JADE1: variants seen among roughly 807,000 people sequenced by gnomAD.
JADE1 encodes the protein protein Jade-1.
JADE1 carries 14 observed loss-of-function variants against 81.8 expected under a neutral mutation model. The ratio of observed to expected loss-of-function variants is 0.17; its 90% CI spans 0.11 to 0.27. JADE1 has a LOEUF of 0.27. Ranked by LOEUF, JADE1 falls within the 10% of genes least tolerant of loss-of-function variation. JADE1 has a pLI of 1.00. For missense variants in JADE1, 690 were observed against 1,047.9 expected, an observed-to-expected ratio of 0.66 and a Z score of 4.71; for synonymous variants, 353 against 391.9, an observed-to-expected ratio of 0.90 and a Z score of 1.17.
At chr4:128,847,653 G>T (rs1729981328) in intron 4 of JADE1, among the ~76,000 whole-genome samples, 1 of 152,198 alleles carries the variant, frequency 6.6e-6, no homozygotes, top group South Asian at 2.1e-4. Flanking sequence ...CTTTCAGTGG[G>T]GAGCCAGGAC....
chr4:128,847,905 T>C (rs752995370), intron 4 of JADE1, among the ~76,000 whole-genome samples: 1 of 152,196 alleles, frequency 6.6e-6, no homozygotes, highest in Non-Finnish European at 1.5e-5. Context: ...GGAAGGACTT[T>C]GTTGAGGCCT....
chr4:128,862,315 C>T (rs1455345024), intron 9 of JADE1, 90 bp downstream of exon 9: 10 of 1,563,222 alleles, frequency 6.4e-6, no homozygotes, highest in Admixed American at 1.9e-5. Context: ...GATAGCCAGT[C>T]ATATACTCTC....
At chr4:128,841,842 T>G (rs1413184518) in intron 2 of JADE1, among the ~76,000 whole-genome samples, 1 of 151,238 alleles carries the variant, frequency 6.6e-6, no homozygotes, top group Non-Finnish European at 1.5e-5. Context: ...ACCCACAGAG[T>G]GGAAAGAGAA....
intron 1 of JADE1, among the ~76,000 whole-genome samples, chr4:128,817,659 C>T (rs1727164322): frequency 6.6e-6 from 1 of 152,194 alleles, no homozygotes; most frequent in Non-Finnish European, 1.5e-5. Context: ...TCTTTACGAG[C>T]ATCAGTTACT....
chr4:128,857,841 A>G (rs114826776), intron 8 of JADE1, among the ~76,000 whole-genome samples: 3,351 of 152,310 alleles, frequency 0.022, 103 homozygotes, highest in African/African-American at 0.072. Flanking sequence ...TCCCACCTGC[A>G]GTCACTGAGT....
intron 9 of JADE1, among the ~76,000 whole-genome samples, chr4:128,866,419 T>C (rs1478071671): frequency 1.3e-5 from 2 of 152,254 alleles, no homozygotes; most frequent in African/African-American, 4.8e-5. Flanking sequence ...ATTACCATAA[T>C]GCAAATGTGA....
Position 128,846,531 on chromosome 4 carries a change from A to G in JADE1, c.295A>G (p.Arg99Gly). The change falls in exon 4 of 11, where the codon AGG (arginine) becomes GGG (glycine). Residue 99 changes from arginine (R) to glycine (G), a missense_variant and splice_region_variant. Coordinates refer to ENST00000226319, the MANE Select transcript of JADE1 (RefSeq NM_199320.4). The surrounding 1 kb of genome is among the most constrained non-coding windows in gnomAD (Gnocchi z 4.0). ...GGGGACCATCCCTCAGCCTGTGGCC[A>G]GGTAGAGATGCCCTGAGGACAGAAG... ...SPGTIPQPVA[R>G]VVSEEKSLMF... The G allele has an allele frequency of 6.2e-7, 1 of 1,614,096 alleles. No homozygotes were observed. Among genetic ancestry groups the G allele is most frequent in the Non-Finnish European group, 8.5e-7 (1 of 1,180,010 alleles).
chr4:128,862,017 A>G lies in JADE1; in HGVS notation c.1295A>G (p.Asn432Ser). ...QLEDEFYTFV[N>S]LLDVARALRL... ...GAGGATGAGTTCTACACCTTCGTCA[A>G]CCTGCTGGATGTTGCCAGGGCTCTG... Residue 432 changes from asparagine to serine, a missense_variant, in exon 9 of 11, where the codon AAC becomes AGC. This residue lies in a region of JADE1 where 63 missense variants were observed against 138.4 expected (regional missense o/e 0.46). Transcript: ENST00000226319. The G allele has an allele frequency of 1.2e-6, 2 of 1,614,194 alleles. No individual in the cohort carries two copies. The highest frequency in any genetic ancestry group is 1.7e-6 in the Non-Finnish European group (2 of 1,180,034).
intron 10 of JADE1, among the ~76,000 whole-genome samples, chr4:128,868,759 A>T (rs917032722): frequency 6.6e-6 from 1 of 152,210 alleles, no homozygotes. Context: ...AGTAGGTAGT[A>T]TAAGGATTTC....
rs1361924372 is a variant in JADE1, at chr4:128,846,636, T to G, written c.296+104T>G. 1.6e-6 allele frequency: 2 copies of G among 1,236,910 alleles called. No homozygotes were observed. Among genetic ancestry groups the G allele is most frequent in the East Asian group, 4.8e-5 (2 of 41,460 alleles). The allele number at this position is 1,236,910 out of a possible 1,614,324, so 76.6% of individuals were successfully genotyped here. Reference sequence around the variant, plus strand: ...AATTTCTGTGGGAAGAGACAGTTTCTGAGTTAGCATTAAAATATCATGAGG... The same window carrying G: ...AATTTCTGTGGGAAGAGACAGTTTCGGAGTTAGCATTAAAATATCATGAGG... On this transcript the variant is annotated intron_variant, in intron 4 of 10. Coordinates refer to ENST00000226319, the MANE Select transcript of JADE1 (RefSeq NM_199320.4). This position sits in a 1 kb window ranked among gnomAD's most constrained non-coding sequence, Gnocchi z 4.0.
intron 9 of JADE1, among the ~76,000 whole-genome samples, chr4:128,865,433 T>G (rs1731711019): frequency 6.6e-6 from 1 of 152,152 alleles, no homozygotes; most frequent in South Asian, 2.1e-4. Flanking sequence ...GTTTAAATGT[T>G]TTTTAAGATA....
chr4:128,859,471 ATGAGTATGCATG>A lies in JADE1; in HGVS notation c.981+2032_981+2043del, dbSNP rs576087365. Among the ~76,000 whole-genome samples the A allele has an allele frequency of 3.7e-4, 56 of 151,112 alleles. No individual in the cohort carries two copies. In the South Asian group the frequency reaches 5.6e-3, roughly 15 times the overall value. ...TGCGCGTGAGTGCGTGAGTATGCAC[ATGAGTATGCATG>A]TGAGTATGCATGTGTATGTGTGTAT... On this transcript the variant is annotated intron_variant, in intron 8 of 10. Transcript: ENST00000226319.
intron 2 of JADE1, among the ~76,000 whole-genome samples, chr4:128,836,845 C>T (rs546006336): frequency 2.6e-5 from 4 of 151,710 alleles, no homozygotes; most frequent in Admixed American, 1.3e-4. Flanking sequence ...CTGCAACCTC[C>T]GCCTCCCAGG....
chr4:128,862,755 T>C, intron 9 of JADE1: 1 of 1,004,448 alleles, frequency 1.0e-6, no homozygotes, highest in Non-Finnish European at 1.2e-6. Context: ...TCTTGGGTAA[T>C]TCACAGGGGA....
At chr4:128,849,230 T>G in intron 5 of JADE1, 63 bp downstream of exon 5, 1 of 1,426,184 alleles carries the variant, frequency 7.0e-7, no homozygotes, top group South Asian at 1.3e-5. Flanking sequence ...TTTAGGCAGG[T>G]AGGTGAGTAG....
At position 128,868,560 on chromosome 4, in the gene JADE1, A is replaced by G. The variant is rs371370971; in HGVS notation, c.1621+587A>G. Among the ~76,000 whole-genome samples, 16 of 152,310 alleles carry G rather than the reference A, an allele frequency of 1.1e-4. No individual in the cohort carries two copies. In the East Asian group the frequency reaches 2.7e-3, roughly 26 times the overall value. The stretch of plus-strand genomic sequence containing the variant: ...ATTGCCCTGGGCTAGGCAAACAGAA[A>G]AAGAAAACTAGGGTATATACTTCCT... On this transcript the variant is annotated intron_variant, in intron 10 of 10. Coordinates refer to ENST00000226319, the MANE Select transcript of JADE1 (RefSeq NM_199320.4).
chr4:128,857,553 G>A, intron 8 of JADE1, 99 bp downstream of exon 8: 1 of 943,556 alleles, frequency 1.1e-6, no homozygotes. Context: ...TTGGAGAGGG[G>A]ACTAGAATCC....
Position 128,846,516 on chromosome 4 carries a change from C to T in JADE1, c.280C>T (p.Pro94Ser). ...VQVPVSPGTIPQPVARVVSEE... is the reference protein window; with the variant it reads ...VQVPVSPGTISQPVARVVSEE... ...GGTGCCTGTGAGCCCGGGGACCATC[C>T]CTCAGCCTGTGGCCAGGTAGAGATG... is the stretch of plus-strand genomic sequence containing the variant. Residue 94 changes from proline to serine, a missense_variant, in exon 4 of 11, where the codon CCT (proline) becomes TCT (serine). Physicochemically the swap from Pro to Ser is moderately conservative, Grantham distance 74 (BLOSUM62 -1). Transcript: ENST00000226319. The surrounding 1 kb of genome is among the most constrained non-coding windows in gnomAD (Gnocchi z 4.0). The T allele has an allele frequency of 6.2e-7, 1 of 1,614,100 alleles. No individual in the cohort carries two copies. The highest frequency in any genetic ancestry group is 1.6e-4 in the Middle Eastern group (1 of 6,062).
At chr4:128,869,343 T>C (rs1406442421) in intron 10 of JADE1, among the ~76,000 whole-genome samples, 1 of 152,184 alleles carries the variant, frequency 6.6e-6, no homozygotes, top group African/African-American at 2.4e-5. Context: ...AGCTCTCTCT[T>C]CATGATTCCT....
Sources: allele counts gnomAD v4.1 joint callset (sites outside exome capture counted in the v4.1 genomes callset), GRCh38; gene constraint gnomAD v4.1.1; regional missense constraint gnomAD v4.1.1; non-coding constraint Gnocchi (gnomAD v3.1); transcripts MANE v1.5; gene names NCBI Gene and HGNC (gene_info 2026-07-23, HGNC 2026-07-21).